The following C3orf33 variants were observed in gnomAD, a reference collection of about 807,000 sequenced individuals.
C3orf33 encodes the protein mitochondrial inner membrane subdomain organizer 1, also known as AP-1 activity suppressor.
In C3orf33, 23 loss-of-function variants were observed where a neutral mutation model predicts 28.7. That is an observed-to-expected ratio of 0.80 (90% CI 0.58 to 1.13). The LOEUF is 1.13. Among genes scored for constraint, C3orf33 ranks in the 50% most tolerant of loss-of-function variants. The pLI is 0.00. For missense variants in C3orf33, 327 were observed against 353.4 expected (o/e 0.93, Z 0.60); for synonymous variants, 119 against 120.5 (o/e 0.99, Z 0.08).
Position 155,763,489 on chromosome 3 carries a change from A to G in C3orf33, c.*28T>C, listed in dbSNP as rs756666770. 7.7e-6 allele frequency: 11 copies of G among 1,436,058 alleles called. No individual in the cohort carries two copies. Among genetic ancestry groups the G allele is most frequent in the Middle Eastern group, 1.8e-4 (1 of 5,434 alleles). 89.0% of individuals were successfully genotyped at this position (1,436,058 alleles called of 1,614,324 possible). ...TATTTACATATTTCACTCTTTGGAGAAGGTTACCTCTAGATTTCTTGACCG... is the reference window on the plus strand; with the variant it reads ...TATTTACATATTTCACTCTTTGGAGGAGGTTACCTCTAGATTTCTTGACCG... On this transcript the variant is annotated 3_prime_UTR_variant, in exon 5 of 5. Coordinates refer to ENST00000340171, the MANE Select transcript of C3orf33 (RefSeq NM_001308229.2).
intron 2 of C3orf33, among the ~76,000 whole-genome samples, chr3:155,785,364 A>G (rs141090426): frequency 1.3e-5 from 2 of 152,254 alleles, no homozygotes; most frequent in South Asian, 2.1e-4. Flanking sequence ...AGATCTAACA[A>G]ACATATACAG....
At chr3:155,764,567 T>C (rs1750337327) in intron 4 of C3orf33, among the ~76,000 whole-genome samples, 1 of 151,534 alleles carries the variant, frequency 6.6e-6, no homozygotes, top group Non-Finnish European at 1.5e-5. Flanking sequence ...ATAAAGGAGA[T>C]CCTGGCGGGG....
intron 2 of C3orf33, among the ~76,000 whole-genome samples, chr3:155,781,402 C>CTTGTTTTGT: frequency 6.6e-6 from 1 of 152,138 alleles, no homozygotes; most frequent in East Asian, 1.9e-4. Flanking sequence ...GTTTTAATCA[C>CTTGTTTTGT]TTAATGTTTC....
At position 155,767,660 on chromosome 3, in the gene C3orf33, C is replaced by A; in HGVS notation, c.332G>T (p.Arg111Leu). 1.3e-6 allele frequency: 2 copies of A among 1,551,460 alleles called. No individual in the cohort carries two copies. The highest frequency in any genetic ancestry group is 1.4e-5 in the African/African-American group (1 of 73,630). Residue 111 changes from arginine (R) to leucine (L), a missense_variant, in exon 4 of 5, where the codon CGT (arginine) becomes CTT (leucine). Transcript: ENST00000340171. Reference protein sequence around the residue: ...PIIASLRKEPRGALLVKLAGV... With the variant: ...PIIASLRKEPLGALLVKLAGV... ...AGCCAACTTAACCAGCAAAGCACCA[C>A]GTGGCTCTTCTAAAAAGGTTAGGTA...
At chr3:155,795,071 T>G (rs1286415318) in intron 2 of C3orf33, among the ~76,000 whole-genome samples, 2 of 152,198 alleles carry the variant, frequency 1.3e-5, no homozygotes, top group African/African-American at 4.8e-5. Context: ...CATAGAACAT[T>G]TCATCCAATG....
intron 2 of C3orf33, among the ~76,000 whole-genome samples, chr3:155,780,377 C>T (rs1256022468): frequency 6.6e-6 from 1 of 152,224 alleles, no homozygotes; most frequent in South Asian, 2.1e-4. Context: ...CATTTACTAG[C>T]TGGATGATCT....
At chr3:155,790,644 ATCTATGCACTTGGATGGGGGAGAGTACAT>A (rs1751286801) in intron 2 of C3orf33, among the ~76,000 whole-genome samples, 1 of 152,156 alleles carries the variant, frequency 6.6e-6, no homozygotes, top group Non-Finnish European at 1.5e-5. Flanking sequence ...TGGAGGGAGA[ATCTATGCACTTGGATGGGGGAGAGTACAT>A]TGATTATGGG....
chr3:155,805,867 G>C, intron 1 of C3orf33: 1 of 535,758 alleles, frequency 1.9e-6, no homozygotes, highest in Non-Finnish European at 3.4e-6. Context: ...GCTGGGCTGC[G>C]TCTCACCCTT....
intron 2 of C3orf33, among the ~76,000 whole-genome samples, chr3:155,782,690 T>A (rs985064799): frequency 6.6e-6 from 1 of 152,098 alleles, no homozygotes; most frequent in African/African-American, 2.4e-5. Flanking sequence ...CATTTCCGGA[T>A]AAATACAAGC....
In C3orf33 at chr3:155,788,006, A is replaced by G. The variant is rs1577428683; in HGVS notation, c.175-12158T>C. ...GCAGATCAAGACCATCCTGGTTAACACGGTGAAACCCCGTCTCTACTAAAA... is the reference window on the plus strand; with the variant it reads ...GCAGATCAAGACCATCCTGGTTAACGCGGTGAAACCCCGTCTCTACTAAAA... On this transcript the variant is annotated intron_variant, in intron 2 of 4. Transcript: ENST00000340171. 2.0e-5 allele frequency among the ~76,000 whole-genome samples: 3 copies of G among 151,750 alleles called. No individual in the cohort carries two copies. The Middle Eastern group carries it at 0.01, about 516-fold the overall frequency.
At position 155,802,630 on chromosome 3, in the gene C3orf33, T is replaced by C. The variant is rs73003546; in HGVS notation, c.115-39A>G. On this transcript the variant is annotated intron_variant, in intron 1 of 4. Transcript: ENST00000340171. ...TTTAAGGGTTAACCCTCACTAATTA[T>C]TAGTCACAATAATGAAAGCACTAAT... 3.1e-3 allele frequency: 4,482 copies of C among 1,458,084 alleles called. 119 individuals are homozygous for C. In the African/African-American group the frequency reaches 0.057, roughly 18 times the overall value. 90.3% of individuals were successfully genotyped at this position (1,458,084 alleles called of 1,614,324 possible).
In C3orf33 at chr3:155,805,830, C is replaced by G. The variant is rs1334646827; in HGVS notation, c.114+309G>C. On this transcript the variant is annotated intron_variant, in intron 1 of 4. Transcript: ENST00000340171. ...CTCCTCTCTGGGCCCTCCCCAAATG[C>G]TCTAATGGACCAGGTGGCATCCCCG... is the stretch of plus-strand genomic sequence containing the variant. 4 of 500,820 alleles carry G rather than the reference C, an allele frequency of 8.0e-6. No homozygotes were observed. The Admixed American group carries it at 1.2e-4, about 15-fold the overall frequency. 31.0% of individuals were successfully genotyped at this position (500,820 alleles called of 1,614,324 possible).
intron 2 of C3orf33, among the ~76,000 whole-genome samples, chr3:155,787,347 C>CTTTTTT (rs3068987): frequency 9.6e-6 from 1 of 104,114 alleles, no homozygotes; most frequent in Non-Finnish European, 1.9e-5. Context: ...CACAGGTATG[C>CTTTTTT]TTTTTTTTTT....
chr3:155,806,261 C>T lies in C3orf33; in HGVS notation c.-9G>A, dbSNP rs1262024661. 6.8e-7 allele frequency: 1 copy of T among 1,465,720 alleles called. No homozygotes were observed. Among genetic ancestry groups the T allele is most frequent in the Non-Finnish European group, 9.0e-7 (1 of 1,105,968 alleles). The allele number at this position is 1,465,720 out of a possible 1,614,324, so 90.8% of individuals were successfully genotyped here. ...GCGGGCTGCCCCGCCATGTTCCCGG[C>T]CTCCTGCGAGCGGCCCTGAGCTCCT... On this transcript the variant is annotated 5_prime_UTR_variant, in exon 1 of 5. Coordinates refer to ENST00000340171, the MANE Select transcript of C3orf33 (RefSeq NM_001308229.2).
chr3:155,787,592 TC>T (rs1751164796), intron 2 of C3orf33, among the ~76,000 whole-genome samples: 1 of 151,932 alleles, frequency 6.6e-6, no homozygotes, highest in Non-Finnish European at 1.5e-5. Context: ...GCTCAGGCAA[TC>T]CGTCTGCCTC....
chr3:155,767,746 C>T, intron 3 of C3orf33, 77 bp from the exon 4 acceptor site: 2 of 954,742 alleles, frequency 2.1e-6, no homozygotes, highest in Non-Finnish European at 2.9e-6. Context: ...TGGCCTCCAA[C>T]AAACAAACAA....
At chr3:155,791,104 T>C (rs1458078909) in intron 2 of C3orf33, among the ~76,000 whole-genome samples, 1 of 152,132 alleles carries the variant, frequency 6.6e-6, no homozygotes, top group East Asian at 1.9e-4. Flanking sequence ...GTAAACAGAA[T>C]TCTGTCTTGC....
chr3:155,798,708 G>A (rs1321210158), intron 2 of C3orf33, among the ~76,000 whole-genome samples: 1 of 152,106 alleles, frequency 6.6e-6, no homozygotes. Context: ...ACATTGGACT[G>A]AGCAAAGATT....
chr3:155,767,175 C>T (rs1396901887), intron 4 of C3orf33, among the ~76,000 whole-genome samples: 1 of 152,042 alleles, frequency 6.6e-6, no homozygotes, highest in Non-Finnish European at 1.5e-5. Context: ...ATCACTTGAA[C>T]CTGAGAGGCA....
Sources: gnomAD v4.1 joint callset for allele counts (sites outside exome capture counted in the v4.1 genomes callset) on GRCh38, gnomAD v4.1.1 for gene constraint, MANE v1.5 for transcripts, NCBI Gene and HGNC (gene_info 2026-07-23, HGNC 2026-07-21) for gene names.